Variants in LRP1B observed in about 807,000 individuals in gnomAD.
The protein encoded by LRP1B is LDL receptor related protein 1B, also known as low-density lipoprotein receptor-related protein 1B.
Under a neutral mutation model 556.6 loss-of-function variants are expected in LRP1B, and 217 were observed. The ratio of observed to expected loss-of-function variants is 0.39; its 90% CI spans 0.35 to 0.44. The LOEUF (loss-of-function observed/expected upper bound fraction) is 0.44, where lower values mean the gene tolerates loss of function less well. LRP1B is among the 20% of genes least tolerant of loss of function. The pLI, the probability that LRP1B is intolerant of heterozygous loss-of-function variation, is 1.00. For missense variants in LRP1B, 5,053 were observed against 5,620.8 expected, an observed-to-expected ratio of 0.90 and a Z score of 3.23; for synonymous variants, 2,047 against 1,865.8, an observed-to-expected ratio of 1.10 and a Z score of -2.50.
At chr2:140,236,547 T>A (rs1193367501) in intron 89 of LRP1B, among the ~76,000 whole-genome samples, 1 of 150,966 alleles carries the variant, frequency 6.6e-6, no homozygotes, top group South Asian at 2.1e-4. Context: ...CATTTAGCTA[T>A]TTCCCTTAAA....
chr2:140,995,150 A>T (rs1489963970), intron 15 of LRP1B, among the ~76,000 whole-genome samples: 2 of 151,920 alleles, frequency 1.3e-5, no homozygotes, highest in South Asian at 4.1e-4. Context: ...CAGCTCTAAA[A>T]CTAGTTTTAC....
intron 47 of LRP1B, among the ~76,000 whole-genome samples, chr2:140,533,435 T>C (rs1690809046): frequency 6.6e-6 from 1 of 152,132 alleles, no homozygotes; most frequent in Non-Finnish European, 1.5e-5. Context: ...TCATCATCTA[T>C]CCTAATAGTC....
chr2:141,006,795 G>A (rs1697588862), intron 14 of LRP1B, among the ~76,000 whole-genome samples: 1 of 151,806 alleles, frequency 6.6e-6, no homozygotes. Context: ...ACTGAATACT[G>A]TAAACAATTA....
chr2:142,000,154 C>A (rs1471851888), intron 1 of LRP1B, among the ~76,000 whole-genome samples: 1 of 152,034 alleles, frequency 6.6e-6, no homozygotes, highest in Non-Finnish European at 1.5e-5. Flanking sequence ...CTTAAGGACA[C>A]ATATTGTATA....
chr2:140,541,736 A>C, intron 44 of LRP1B, 43 bp downstream of exon 44: 1 of 1,441,784 alleles, frequency 6.9e-7, no homozygotes, highest in Non-Finnish European at 9.6e-7. Context: ...GAGATCAGAG[A>C]TTATACAATG....
Position 140,950,419 on chromosome 2 carries a change from A to G in LRP1B, c.2969-17T>C, listed in dbSNP as rs2105300346. 3 of 1,578,518 alleles carry G rather than the reference A, an allele frequency of 1.9e-6. No individual in the cohort carries two copies. The highest frequency in any genetic ancestry group is 1.7e-4 in the Middle Eastern group (1 of 5,902). On this transcript the variant is annotated splice_polypyrimidine_tract_variant and intron_variant, in intron 19 of 90. Transcript: ENST00000389484. ...AGTCGTCATCTGGAAAGAAACATCA[A>G]CATGAGGCAGTGAAATCTGAACCAT... is the stretch of plus-strand genomic sequence containing the variant.
At chr2:140,382,429 A>G (rs1257927707) in intron 67 of LRP1B, among the ~76,000 whole-genome samples, 2 of 152,202 alleles carry the variant, frequency 1.3e-5, no homozygotes, top group African/African-American at 4.8e-5. Flanking sequence ...TGATAAAGAT[A>G]TTATAGATAT....
intron 1 of LRP1B, among the ~76,000 whole-genome samples, chr2:141,911,092 T>A (rs1699897097): frequency 6.6e-6 from 1 of 151,836 alleles, no homozygotes; most frequent in Non-Finnish European, 1.5e-5. Flanking sequence ...CAAAATACAG[T>A]TTTAAGGTTT....
chr2:141,305,901 A>T (rs1166845088), intron 3 of LRP1B, among the ~76,000 whole-genome samples: 1 of 152,154 alleles, frequency 6.6e-6, no homozygotes, highest in Non-Finnish European at 1.5e-5. Context: ...CTTGATTTGC[A>T]TATGTTGAAC....
chr2:141,358,517 C>T (rs551174585), intron 3 of LRP1B, among the ~76,000 whole-genome samples: 1 of 152,276 alleles, frequency 6.6e-6, no homozygotes, highest in East Asian at 1.9e-4. Flanking sequence ...GGAGAAATAC[C>T]CTGACTTCTT....
At chr2:140,806,222 T>G (rs1690709509) in intron 32 of LRP1B, among the ~76,000 whole-genome samples, 1 of 152,038 alleles carries the variant, frequency 6.6e-6, no homozygotes, top group African/African-American at 2.4e-5. Flanking sequence ...ATTTCTGATG[T>G]TTTTAAAGCC....
At chr2:142,086,362 G>A (rs1465708637) in intron 1 of LRP1B, among the ~76,000 whole-genome samples, 1 of 152,120 alleles carries the variant, frequency 6.6e-6, no homozygotes, top group Non-Finnish European at 1.5e-5. Context: ...TGTAATCCCA[G>A]CACTTGGGAG....
intron 1 of LRP1B, among the ~76,000 whole-genome samples, chr2:141,971,796 C>G (rs867810293): frequency 5.9e-5 from 9 of 151,548 alleles, no homozygotes; most frequent in African/African-American, 1.9e-4. Flanking sequence ...TCCTTCCCTT[C>G]TAAAATTTTT....
intron 5 of LRP1B, among the ~76,000 whole-genome samples, chr2:141,239,587 C>A (rs1683786564): frequency 6.6e-6 from 1 of 151,970 alleles, no homozygotes; most frequent in Admixed American, 6.6e-5. Flanking sequence ...AAGATAGGAT[C>A]TGTATATATT....
intron 1 of LRP1B, among the ~76,000 whole-genome samples, chr2:141,900,696 T>A (rs1193874027): frequency 6.6e-6 from 1 of 152,042 alleles, no homozygotes; most frequent in Non-Finnish European, 1.5e-5. Flanking sequence ...AATTAAAGAT[T>A]CTTCAATTTA....
chr2:142,036,821 A>G (rs1282387006), intron 1 of LRP1B, among the ~76,000 whole-genome samples: 1 of 151,734 alleles, frequency 6.6e-6, no homozygotes, highest in East Asian at 1.9e-4. Flanking sequence ...TGAATTCACT[A>G]ATTATTACAA....
chr2:141,116,674 T>G (rs1043953137), intron 7 of LRP1B, among the ~76,000 whole-genome samples: 1 of 152,090 alleles, frequency 6.6e-6, no homozygotes, highest in Non-Finnish European at 1.5e-5. Flanking sequence ...AATTGACGTC[T>G]GAAGTATGTA....
intron 1 of LRP1B, among the ~76,000 whole-genome samples, chr2:141,917,533 G>A (rs1700070852): frequency 6.6e-6 from 1 of 152,178 alleles, no homozygotes; most frequent in Non-Finnish European, 1.5e-5. Context: ...CTGGTAAAAA[G>A]TGAGACATAC....
intron 7 of LRP1B, among the ~76,000 whole-genome samples, chr2:141,084,004 C>G (rs927422652): frequency 6.6e-6 from 1 of 152,134 alleles, no homozygotes; most frequent in Non-Finnish European, 1.5e-5. Flanking sequence ...AGTTACTTAA[C>G]CTTTCTGTGG....
Sources: gnomAD v4.1 joint callset for allele counts (sites outside exome capture counted in the v4.1 genomes callset) on GRCh38, gnomAD v4.1.1 for gene constraint, MANE v1.5 for transcripts, NCBI Gene and HGNC (gene_info 2026-07-23, HGNC 2026-07-21) for gene names.